The following KCNIP1 variants were observed in gnomAD, a reference collection of about 807,000 sequenced individuals.
KCNIP1 encodes the protein A-type potassium channel modulatory protein KCNIP1.
A neutral mutation model predicts 33.0 loss-of-function variants in KCNIP1; 18 were observed. That is an observed-to-expected ratio of 0.55 (90% confidence interval 0.38 to 0.81). The LOEUF (loss-of-function observed/expected upper bound fraction) is 0.81, where lower values mean the gene tolerates loss of function less well. KCNIP1 is among the 30% of genes least tolerant of loss of function. The pLI is 0.00. For synonymous variants in KCNIP1, 93 were observed against 98.3 expected (o/e 0.95, Z 0.32); for missense variants, 238 against 271.6 (o/e 0.88, Z 0.87).
chr5:170,414,773 T>C (rs970003053), intron 1 of KCNIP1, among the ~76,000 whole-genome samples: 18 of 152,260 alleles, frequency 1.2e-4, no homozygotes, highest in African/African-American at 4.1e-4. Flanking sequence ...CTATCCCTTC[T>C]CTATCAAAAT....
chr5:170,646,426 G>C (rs1760791327), intron 1 of KCNIP1, among the ~76,000 whole-genome samples: 1 of 152,098 alleles, frequency 6.6e-6, no homozygotes, highest in African/African-American at 2.4e-5. Context: ...GTTATGCAAG[G>C]CTGGTCCAAC....
chr5:170,711,262 G>T (rs188446888), intron 1 of KCNIP1, among the ~76,000 whole-genome samples: 2 of 152,318 alleles, frequency 1.3e-5, no homozygotes, highest in Admixed American at 1.3e-4. Context: ...ACCTGCCAAT[G>T]ACTACTGGCA....
In KCNIP1 at chr5:170,510,709, G is replaced by T. The variant is rs372222378; in HGVS notation, c.61+6076G>T. On this transcript the variant is annotated intron_variant, in intron 1 of 7. Coordinates refer to ENST00000328939, the MANE Select transcript of KCNIP1 (RefSeq NM_014592.4). ...CCCCAGCCATGGGAGTAGTACTTTG[G>T]ATTAAATCTTGTTATTCAAGGCCAG... is the stretch of plus-strand genomic sequence containing the variant. 5.9e-5 allele frequency among the ~76,000 whole-genome samples: 9 copies of T among 152,316 alleles called. No homozygotes were observed. In the South Asian group the frequency reaches 1.9e-3, roughly 32 times the overall value.
intron 1 of KCNIP1, among the ~76,000 whole-genome samples, chr5:170,541,973 G>A (rs546436352): frequency 3.9e-5 from 6 of 152,270 alleles, no homozygotes; most frequent in South Asian, 2.1e-4. Context: ...TTCTCCCATC[G>A]TAGTAATATC....
At chr5:170,613,739 C>A (rs1252891897) in intron 1 of KCNIP1, among the ~76,000 whole-genome samples, 4 of 152,052 alleles carry the variant, frequency 2.6e-5, no homozygotes, top group Admixed American at 2.0e-4. Flanking sequence ...AAATAAATAA[C>A]TAAATTTATA....
intron 1 of KCNIP1, among the ~76,000 whole-genome samples, chr5:170,404,717 A>G (rs763849403): frequency 4.6e-5 from 7 of 152,354 alleles, no homozygotes; most frequent in Middle Eastern, 3.4e-3. Context: ...TGGTCCAAGC[A>G]GATCATGAGG....
chr5:170,383,556 C>T (rs923862005), intron 1 of KCNIP1: 8 of 1,084,524 alleles, frequency 7.4e-6, no homozygotes, highest in South Asian at 1.3e-5. Flanking sequence ...CAGTCTCATT[C>T]CAGCTGTGAG....
rs547953794 is a variant in KCNIP1, at chr5:170,695,759, G to A, written c.62-22999G>A. On this transcript the variant is annotated intron_variant, in intron 1 of 7. Transcript: ENST00000328939. ...TCCTAGGCTGGGCGCGGTAGCTCAC[G>A]CCTGTAATCCCAGCACTTTGGGAGG... Among the ~76,000 whole-genome samples the A allele has an allele frequency of 9.2e-5, 14 of 152,314 alleles. No homozygotes were observed. In the South Asian group the frequency reaches 2.7e-3, roughly 29 times the overall value.
intron 1 of KCNIP1, among the ~76,000 whole-genome samples, chr5:170,450,565 CA>C (rs1388416440): frequency 6.6e-6 from 1 of 152,156 alleles, no homozygotes; most frequent in Non-Finnish European, 1.5e-5. Context: ...GAAGGGCTTG[CA>C]AGGCCTCCTG....
At chr5:170,452,813 A>G (rs182450455) in intron 1 of KCNIP1, among the ~76,000 whole-genome samples, 1 of 152,364 alleles carries the variant, frequency 6.6e-6, no homozygotes, top group Admixed American at 6.5e-5. Flanking sequence ...AATTCAAATG[A>G]GGCGACAACA....
intron 5 of KCNIP1, among the ~76,000 whole-genome samples, chr5:170,728,777 T>C (rs1360675230): frequency 6.6e-6 from 1 of 152,100 alleles, no homozygotes; most frequent in Non-Finnish European, 1.5e-5. Context: ...AAGTGTTATT[T>C]GGGAAGGAAA....
chr5:170,587,324 AG>A (rs1273668281), intron 1 of KCNIP1, among the ~76,000 whole-genome samples: 2 of 142,258 alleles, frequency 1.4e-5, no homozygotes, highest in Non-Finnish European at 3.0e-5. Flanking sequence ...CAAGAGGCTG[AG>A]GTGGGAGAAT....
At chr5:170,518,771 G>C (rs144561443) in intron 1 of KCNIP1, among the ~76,000 whole-genome samples, 2 of 152,146 alleles carry the variant, frequency 1.3e-5, no homozygotes, top group African/African-American at 4.8e-5. Context: ...TCAGAGGTAG[G>C]GTCTGTTCTA....
At chr5:170,356,945 C>G (rs1763364786) in intron 1 of KCNIP1, among the ~76,000 whole-genome samples, 1 of 152,102 alleles carries the variant, frequency 6.6e-6, no homozygotes, top group South Asian at 2.1e-4. Flanking sequence ...GCGTGAGCCT[C>G]CAGCCACGTA....
chr5:170,508,408 C>T (rs1022404767), intron 1 of KCNIP1, among the ~76,000 whole-genome samples: 5 of 152,170 alleles, frequency 3.3e-5, no homozygotes, highest in Admixed American at 1.3e-4. Context: ...CCTCAGGGAA[C>T]TTATGGAAGC....
intron 1 of KCNIP1, among the ~76,000 whole-genome samples, chr5:170,654,095 T>C (rs1323762265): frequency 6.6e-6 from 1 of 152,170 alleles, no homozygotes; most frequent in Non-Finnish European, 1.5e-5. Flanking sequence ...AAACATCCTC[T>C]GCACTCCATT....
At chr5:170,463,661 G>A (rs1756553075) in intron 1 of KCNIP1, among the ~76,000 whole-genome samples, 1 of 152,016 alleles carries the variant, frequency 6.6e-6, no homozygotes, top group Non-Finnish European at 1.5e-5. Context: ...AAATAGAGTG[G>A]AACTTTCTCA....
chr5:170,593,182 C>T (rs181628400), intron 1 of KCNIP1, among the ~76,000 whole-genome samples: 5 of 152,260 alleles, frequency 3.3e-5, no homozygotes, highest in Middle Eastern at 3.4e-3. Context: ...AGAGCGTGTA[C>T]GCGAGAATAA....
chr5:170,436,550 A>G (rs1335649983), intron 1 of KCNIP1, among the ~76,000 whole-genome samples: 1 of 152,206 alleles, frequency 6.6e-6, no homozygotes, highest in African/African-American at 2.4e-5. Flanking sequence ...CTCCGCCCCT[A>G]GAGCTGACCT....
Sources: gnomAD v4.1 joint callset for allele counts (sites outside exome capture counted in the v4.1 genomes callset) on GRCh38, gnomAD v4.1.1 for gene constraint, MANE v1.5 for transcripts, NCBI Gene and HGNC (gene_info 2026-07-23, HGNC 2026-07-21) for gene names.